The following DOCK7 variants were observed in gnomAD, a reference collection of about 807,000 sequenced individuals.
The protein encoded by DOCK7 is dedicator of cytokinesis protein 7.
A neutral mutation model predicts 271.0 loss-of-function variants in DOCK7; 138 were observed. That is an observed-to-expected ratio of 0.51 (90% CI 0.44 to 0.59). DOCK7 has a LOEUF of 0.59. Among genes scored for constraint, DOCK7 ranks in the 20% least tolerant of loss-of-function variants. DOCK7 has a pLI of 0.00. For synonymous variants in DOCK7, 823 were observed against 876.1 expected (o/e 0.94, Z 1.07); for missense variants, 2,066 against 2,592.4 (o/e 0.80, Z 4.41).
chr1:62,535,809 T>TATTAA (rs575243365), intron 28 of DOCK7, among the ~76,000 whole-genome samples, 177 bp from the exon 29 acceptor site: 1 of 152,256 alleles, frequency 6.6e-6, no homozygotes, highest in Non-Finnish European at 1.5e-5. Flanking sequence ...GAGATTGCTT[T>TATTAA]ATTAAGTTAA....
intron 37 of DOCK7, 78 bp downstream of exon 37, chr1:62,504,552 C>T (rs768811382): frequency 1.8e-5 from 27 of 1,460,016 alleles, no homozygotes; most frequent in Non-Finnish European, 2.5e-5. Context: ...CATGCTCTCC[C>T]AAAAACTGAT....
chr1:62,670,907 G>A (rs1402841150), intron 1 of DOCK7, among the ~76,000 whole-genome samples: 1 of 152,112 alleles, frequency 6.6e-6, no homozygotes, highest in Non-Finnish European at 1.5e-5. Flanking sequence ...AATAAATCTT[G>A]CTACTGCCCA....
chr1:62,608,398 T>C lies in DOCK7; in HGVS notation c.1682+10308A>G, dbSNP rs369826880. 3.9e-5 allele frequency: 6 copies of C among 152,262 alleles called. No homozygotes were observed. The East Asian group carries it at 7.7e-4, about 20-fold the overall frequency. The allele number at this position is 152,262 out of a possible 1,614,324, so 9.4% of individuals were successfully genotyped here. A position where few individuals can be genotyped will look rare whatever the true frequency, so the allele number is the denominator to read the frequency against. On this transcript the variant is annotated intron_variant, in intron 14 of 49. Coordinates refer to ENST00000635253, the MANE Select transcript of DOCK7 (RefSeq NM_001367561.1). ...ATGCCTTCCTAATGTATTCCATTTGTCTAGAATGTCTCCCCACACATTTCT... is the reference window on the plus strand; with the variant it reads ...ATGCCTTCCTAATGTATTCCATTTGCCTAGAATGTCTCCCCACACATTTCT...
chr1:62,688,207 G>T lies in DOCK7; in HGVS notation c.38+20C>A. The T allele has an allele frequency of 7.3e-7, 1 of 1,369,518 alleles. No homozygotes were observed. The highest frequency in any genetic ancestry group is 9.5e-7 in the Non-Finnish European group (1 of 1,050,042). The allele number at this position is 1,369,518 out of a possible 1,614,324, so 84.8% of individuals were successfully genotyped here. On this transcript the variant is annotated intron_variant, in intron 1 of 49. Coordinates refer to ENST00000635253, the MANE Select transcript of DOCK7 (RefSeq NM_001367561.1). ...CTTTCTCGGGCGGCGGCGGCGGCGCGCCCCACGCCGGATATTTACCTGCTG... is the reference window on the plus strand; with the variant it reads ...CTTTCTCGGGCGGCGGCGGCGGCGCTCCCCACGCCGGATATTTACCTGCTG...
At chr1:62,587,509 C>T (rs904124965) in intron 14 of DOCK7, among the ~76,000 whole-genome samples, 5 of 152,052 alleles carry the variant, frequency 3.3e-5, no homozygotes, top group African/African-American at 9.6e-5. Flanking sequence ...ACACCTCTAA[C>T]CTAAGGAGAA....
At chr1:62,684,212 T>TAA (rs58337673) in intron 1 of DOCK7, among the ~76,000 whole-genome samples, 3 of 143,720 alleles carry the variant, frequency 2.1e-5, no homozygotes, top group Middle Eastern at 3.5e-3. Flanking sequence ...AACTCCATCT[T>TAA]AAAAAAAAAA....
chr1:62,684,512 C>G (rs1219914216), intron 1 of DOCK7, among the ~76,000 whole-genome samples: 1 of 152,166 alleles, frequency 6.6e-6, no homozygotes, highest in Non-Finnish European at 1.5e-5. Flanking sequence ...AGAATTTCAA[C>G]CTGTGCAATC....
chr1:62,494,668 G>GA (rs1478628427), intron 39 of DOCK7: 6 of 376,286 alleles, frequency 1.6e-5, no homozygotes, highest in South Asian at 1.4e-4. Context: ...AGTTGGTGGG[G>GA]GGGGCAGGAG....
chr1:62,563,122 G>A (rs557148646), intron 18 of DOCK7, among the ~76,000 whole-genome samples: 4 of 152,084 alleles, frequency 2.6e-5, no homozygotes, highest in Non-Finnish European at 5.9e-5. Context: ...AACCAGGAAG[G>A]GGTCAGCAAA....
In DOCK7 at chr1:62,506,985, A is replaced by AAAT. The variant is rs1159741108; in HGVS notation, c.4476+976_4476+977insATT. Among the ~76,000 whole-genome samples, 7 of 88,048 alleles carry AAAT rather than the reference A, an allele frequency of 8.0e-5. No homozygotes were observed. The East Asian group carries it at 3.1e-3, about 39-fold the overall frequency. 57.8% of individuals were successfully genotyped at this position (88,048 alleles called of 152,430 possible). On this transcript the variant is annotated intron_variant, in intron 35 of 49. Transcript: ENST00000635253. ...ATAAATAAATAAATAAATAAATAAA[A>AAAT]TAGAGTAGAGTCAGGGTTTTGCCAT... is the stretch of plus-strand genomic sequence containing the variant.
chr1:62,495,751 G>T, intron 38 of DOCK7, 70 bp from the exon 39 acceptor site: 1 of 1,239,084 alleles, frequency 8.1e-7, no homozygotes, highest in South Asian at 1.4e-5. Context: ...ATTAGTTTCA[G>T]AGATATTTCA....
At chr1:62,601,621 C>T (rs1207577927) in intron 14 of DOCK7, 15 of 572,514 alleles carry the variant, frequency 2.6e-5, no homozygotes, top group South Asian at 1.1e-4. Flanking sequence ...TTAAATAACA[C>T]GCCATCTAAG....
At position 62,542,623 on chromosome 1, in the gene DOCK7, G is replaced by A. The variant is rs780644866; in HGVS notation, c.3030C>T (p.Phe1010=). 1 of 1,611,854 alleles carries A rather than the reference G, an allele frequency of 6.2e-7. No individual in the cohort carries two copies. The highest frequency in any genetic ancestry group is 1.1e-5 in the South Asian group (1 of 90,606). ...TTTTGCTCACCATTAATTCAAAAAA[G>A]AACCAGGCTTGTTGCAAAGCTGATT... ...VRESALQQAW[F]FFELMVKSMV... The change falls in exon 25 of 50, where the codon TTC becomes TTT. Residue 1010 remains phenylalanine (F), a synonymous_variant. Coordinates refer to ENST00000635253, the MANE Select transcript of DOCK7 (RefSeq NM_001367561.1).
At chr1:62,583,471 A>G (rs529490985) in intron 15 of DOCK7, among the ~76,000 whole-genome samples, 1 of 152,354 alleles carries the variant, frequency 6.6e-6, no homozygotes, top group South Asian at 2.1e-4. Flanking sequence ...AAATATTTCA[A>G]AAGTTTCTAT....
intron 1 of DOCK7, among the ~76,000 whole-genome samples, chr1:62,681,952 G>A (rs529705596): frequency 6.6e-6 from 1 of 152,126 alleles, no homozygotes; most frequent in South Asian, 2.1e-4. Flanking sequence ...TTAAAGAAAG[G>A]AAGGAAATGG....
chr1:62,550,428 G>A (rs1401502388), intron 22 of DOCK7, among the ~76,000 whole-genome samples: 3 of 152,132 alleles, frequency 2.0e-5, no homozygotes, highest in Non-Finnish European at 4.4e-5. Flanking sequence ...GATAAAATGA[G>A]AAAAGGAATG....
intron 14 of DOCK7, chr1:62,607,723 T>A (rs1012789388): frequency 6.6e-6 from 1 of 152,214 alleles, no homozygotes; most frequent in Non-Finnish European, 1.5e-5. Flanking sequence ...AGAATCTTAT[T>A]GGGATCTTAG....
At chr1:62,578,704 A>T (rs188818941) in intron 17 of DOCK7, 124 bp downstream of exon 17, 14 of 962,184 alleles carry the variant, frequency 1.5e-5, no homozygotes, top group Non-Finnish European at 1.8e-5. Context: ...CCTGGGAGAC[A>T]GAGACTCTGT....
chr1:62,550,967 C>G (rs980520640), intron 22 of DOCK7, among the ~76,000 whole-genome samples: 1 of 151,966 alleles, frequency 6.6e-6, no homozygotes, highest in African/African-American at 2.4e-5. Context: ...GTGATCTGCC[C>G]GCCTCAGCCT....
Sources: gnomAD v4.1 joint callset for allele counts (sites outside exome capture counted in the v4.1 genomes callset) on GRCh38, gnomAD v4.1.1 for gene constraint, MANE v1.5 for transcripts, NCBI Gene and HGNC (gene_info 2026-07-23, HGNC 2026-07-21) for gene names.